The following PIK3C2B variants were observed in gnomAD, a reference collection of about 807,000 sequenced individuals.
The protein encoded by PIK3C2B is phosphatidylinositol-4-phosphate 3-kinase catalytic subunit type 2 beta.
In PIK3C2B, 83 loss-of-function variants were observed where a neutral mutation model predicts 184.3. The observed-to-expected ratio is 0.45, with a 90% CI of 0.38 to 0.54. The LOEUF is 0.54. PIK3C2B is among the 20% of genes least tolerant of loss of function. The probability of loss-of-function intolerance (pLI) is 0.00; values close to 1 mark genes in which losing one functional copy is unlikely to be tolerated. For missense variants in PIK3C2B, 1,736 were observed against 2,113.5 expected (o/e 0.82, Z 3.50); for synonymous variants, 779 against 837.6 (o/e 0.93, Z 1.21).
chr1:204,454,627 T>TGGC, intron 12 of PIK3C2B, 42 bp downstream of exon 12: 1 of 1,607,908 alleles, frequency 6.2e-7, no homozygotes. Context: ...GCTGAGCAGG[T>TGGC]CTACAGTGGC....
At chr1:204,493,080 G>T in intron 1 of PIK3C2B, among the ~76,000 whole-genome samples, 1 of 152,224 alleles carries the variant, frequency 6.6e-6, no homozygotes, top group Non-Finnish European at 1.5e-5. Flanking sequence ...TGGAGTTGGG[G>T]AGAGGGAAGT....
chr1:204,472,697 T>C (rs1656392585), intron 1 of PIK3C2B, among the ~76,000 whole-genome samples: 1 of 152,032 alleles, frequency 6.6e-6, no homozygotes, highest in Admixed American at 6.5e-5. Context: ...GGAGAATCAC[T>C]TGAACCCGGG....
At chr1:204,427,174 A>G (rs1198559883) in intron 31 of PIK3C2B, among the ~76,000 whole-genome samples, 1 of 152,096 alleles carries the variant, frequency 6.6e-6, no homozygotes, top group Non-Finnish European at 1.5e-5. Flanking sequence ...TCTAGTCACA[A>G]TGTTCTTAGA....
intron 1 of PIK3C2B, among the ~76,000 whole-genome samples, chr1:204,477,669 G>T (rs2103526124): frequency 6.6e-6 from 1 of 152,310 alleles, no homozygotes; most frequent in East Asian, 1.9e-4. Context: ...GGTGGTGAGG[G>T]TTCCTGCTGT....
At chr1:204,491,552 A>T (rs1056754120) in intron 1 of PIK3C2B, among the ~76,000 whole-genome samples, 2 of 152,064 alleles carry the variant, frequency 1.3e-5, no homozygotes, top group Admixed American at 6.6e-5. Flanking sequence ...AATTAGCCAC[A>T]TGTAGTGGTG....
chr1:204,450,458 T>C (rs1654255333), intron 12 of PIK3C2B, among the ~76,000 whole-genome samples: 1 of 152,048 alleles, frequency 6.6e-6, no homozygotes, highest in African/African-American at 2.4e-5. Flanking sequence ...CCCCCACTTC[T>C]TGCTGCTGAG....
Position 204,433,322 on chromosome 1 carries a change from A to C in PIK3C2B, c.3947T>G (p.Phe1316Cys). Residue 1316 changes from phenylalanine to cysteine, a missense_variant, in exon 26 of 33, where the codon TTC becomes TGC. This residue lies in a region of PIK3C2B where 119 missense variants were observed against 179.3 expected (regional missense o/e 0.66). Transcript: ENST00000684373. The surrounding 1 kb of genome is among the most constrained non-coding windows in gnomAD (Gnocchi z 5.0). ...QDTEANATTY[F>C]TRLIESSLGS... Reference sequence around the variant, plus strand: ...GCTCAGGGAATCATTTTACCTAGTGAAGTAGGTAGTGGCATTGGCCTCTGT... The same window carrying C: ...GCTCAGGGAATCATTTTACCTAGTGCAGTAGGTAGTGGCATTGGCCTCTGT... 6.6e-7 allele frequency: 1 copy of C among 1,517,120 alleles called. No individual in the cohort carries two copies. Among genetic ancestry groups the C allele is most frequent in the Non-Finnish European group, 9.2e-7 (1 of 1,092,098 alleles). The allele number at this position is 1,517,120 out of a possible 1,614,324, so 94.0% of individuals were successfully genotyped here.
At chr1:204,464,792 CTCTTA>C (rs1409977611) in intron 3 of PIK3C2B, among the ~76,000 whole-genome samples, 188 bp from the exon 4 acceptor site, 5 of 152,184 alleles carry the variant, frequency 3.3e-5, no homozygotes, top group East Asian at 1.9e-4. Context: ...CTTGACACTT[CTCTTA>C]TAATTGCAAA....
rs1469721006 is a variant in PIK3C2B at position 204,440,187 on chromosome 1, C to T, written c.3379+5G>A. 2 of 1,611,406 alleles carry T rather than the reference C, an allele frequency of 1.2e-6. No individual in the cohort carries two copies. The highest frequency in any genetic ancestry group is 1.7e-6 in the Non-Finnish European group (2 of 1,178,636). ...CCTCCACCCTCACCCCTACTCCCAACTGACCTCTGCCCCGGCCGGTGGAGA... is the reference window on the plus strand; with the variant it reads ...CCTCCACCCTCACCCCTACTCCCAATTGACCTCTGCCCCGGCCGGTGGAGA... On this transcript the variant is annotated splice_donor_5th_base_variant and intron_variant, in intron 22 of 32. Transcript: ENST00000684373.
At chr1:204,446,185 G>C (rs777962996) in intron 15 of PIK3C2B, 41 bp from the exon 16 acceptor site, 2 of 1,437,194 alleles carry the variant, frequency 1.4e-6, no homozygotes, top group Non-Finnish European at 1.9e-6. Flanking sequence ...GGGAGGGTAG[G>C]GGGCAGTGAG....
chr1:204,467,029 A>C (rs1206613582), intron 2 of PIK3C2B: 6 of 460,528 alleles, frequency 1.3e-5, no homozygotes, highest in Admixed American at 7.7e-5. Flanking sequence ...GGGAGGACCA[A>C]GGCCGCATTT....
At position 204,427,632 on chromosome 1, in the gene PIK3C2B, C is replaced by G; in HGVS notation, c.4587+16G>C. ...CATTAAAAAAGAAAAAAAATCACGG[C>G]TGTGCAGGCACTTACCAAGCCCCGA... On this transcript the variant is annotated intron_variant, in intron 31 of 32. Transcript: ENST00000684373. 1 of 1,546,770 alleles carries G rather than the reference C, an allele frequency of 6.5e-7. No homozygotes were observed. The highest frequency in any genetic ancestry group is 8.9e-7 in the Non-Finnish European group (1 of 1,119,828).
intron 28 of PIK3C2B, among the ~76,000 whole-genome samples, chr1:204,430,633 G>A (rs767426062): frequency 8.6e-5 from 13 of 151,230 alleles, no homozygotes; most frequent in African/African-American, 2.2e-4. Context: ...ATGAGCCACC[G>A]CACCCGGCCA....
At chr1:204,453,368 G>A (rs547596149) in intron 12 of PIK3C2B, among the ~76,000 whole-genome samples, 8 of 152,180 alleles carry the variant, frequency 5.3e-5, no homozygotes, top group Non-Finnish European at 1.0e-4. Context: ...CTACCTTCCC[G>A]ACACCAAATT....
At chr1:204,454,115 C>A (rs1374718422) in intron 12 of PIK3C2B, among the ~76,000 whole-genome samples, 1 of 151,908 alleles carries the variant, frequency 6.6e-6, no homozygotes, top group African/African-American at 2.4e-5. Context: ...TTACAAAGAG[C>A]CTTTATAGAT....
In PIK3C2B at chr1:204,450,714, C is replaced by T. The variant is rs61762612; in HGVS notation, c.2067-697G>A. Among the ~76,000 whole-genome samples, 741 of 152,314 alleles carry T rather than the reference C, an allele frequency of 4.9e-3. 10 individuals carry two copies. The highest frequency in any genetic ancestry group is 0.017 in the African/African-American group (718 of 41,560). ...GAGACACATAAGCCCCACCACTATT[C>T]AAGCCCATAAGTTCTCTCCAGGTCC... On this transcript the variant is annotated intron_variant, in intron 12 of 32. Transcript: ENST00000684373.
chr1:204,434,038 C>A, intron 24 of PIK3C2B, 89 bp from the exon 25 acceptor site: 1 of 1,041,240 alleles, frequency 9.6e-7, no homozygotes, highest in South Asian at 1.3e-5. Context: ...TTCCCTCATC[C>A]CTCATCACGT....
chr1:204,476,086 T>C (rs1407690979), intron 1 of PIK3C2B, among the ~76,000 whole-genome samples: 1 of 152,160 alleles, frequency 6.6e-6, no homozygotes, highest in Non-Finnish European at 1.5e-5. Flanking sequence ...ACTCCAGAGA[T>C]GGAAACACAG....
At chr1:204,445,055 G>A (rs1006807292) in intron 16 of PIK3C2B, among the ~76,000 whole-genome samples, 5 of 152,084 alleles carry the variant, frequency 3.3e-5, no homozygotes, top group Non-Finnish European at 5.9e-5. Context: ...GGTCCCAAGA[G>A]AACCCTTCAA....
Sources: allele counts gnomAD v4.1 joint callset (sites outside exome capture counted in the v4.1 genomes callset), GRCh38; gene constraint gnomAD v4.1.1; regional missense constraint gnomAD v4.1.1; non-coding constraint Gnocchi (gnomAD v3.1); transcripts MANE v1.5; gene names NCBI Gene and HGNC (gene_info 2026-07-23, HGNC 2026-07-21).